Variants in NPFF observed in about 807,000 individuals in gnomAD.
NPFF encodes neuropeptide FF-amide peptide precursor, also known as pro-FMRFamide-related neuropeptide FF.
A neutral mutation model predicts 12.9 loss-of-function variants in NPFF; 14 were observed. The observed-to-expected ratio is 1.09, with a 90% CI of 0.72 to 1.70. The LOEUF is 1.70. Ranked by LOEUF, NPFF falls within the 40% of genes most tolerant of loss-of-function variation. NPFF has a pLI of 0.00. For synonymous variants in NPFF, 56 were observed against 57.3 expected, an observed-to-expected ratio of 0.98 and a Z score of 0.10; for missense variants, 140 against 135.7, an observed-to-expected ratio of 1.03 and a Z score of -0.16.
rs780470054 is a variant in NPFF, at chr12:53,506,810, C to T, written c.308G>A (p.Ser103Asn). 11 of 1,594,536 alleles carry T rather than the reference C, an allele frequency of 6.9e-6. No homozygotes were observed. Among genetic ancestry groups the T allele is most frequent in the Non-Finnish European group, 9.4e-6 (11 of 1,170,556 alleles). ...CCCAAAGCGTTGAGGGGCAGCCAGG[C>T]TCCAGAACTGGGAATTCAGCCCCTC... The part of the protein sequence containing the change: ...AGEGLNSQFW[S>N]LAAPQRFGKK The change falls in exon 3 of 3, where the codon AGC becomes AAC. Residue 103 changes from serine (S) to asparagine (N), a missense_variant. Coordinates refer to ENST00000267017, the MANE Select transcript of NPFF (RefSeq NM_003717.4).
rs1944010916 is a variant in NPFF at position 53,506,838 on chromosome 12, C to CA, written c.279dup (p.Gly94TrpfsTer?). 1 of 1,603,178 alleles carries CA rather than the reference C, an allele frequency of 6.2e-7. No homozygotes were observed. The highest frequency in any genetic ancestry group is 8.5e-7 in the Non-Finnish European group (1 of 1,174,884). Reference sequence around the variant, plus strand: ...CAGAACTGGGAATTCAGCCCCTCTCCAGCCCGGGGACTCAGCCATTCATTC... The same window carrying CA: ...CAGAACTGGGAATTCAGCCCCTCTCCAAGCCCGGGGACTCAGCCATTCATTC... On this transcript the variant is annotated frameshift_variant, in exon 3 of 3. Transcript: ENST00000267017. LOFTEE classifies it high-confidence loss of function.
Position 53,506,698 on chromosome 12 carries a change from A to G in NPFF, c.*78T>C. On this transcript the variant is annotated 3_prime_UTR_variant, in exon 3 of 3. Transcript: ENST00000267017. ...ACAGACACACATGGATTCAGAAGCC[A>G]GACAATTTTATTTGGGGGGCAAACA... 2 of 1,182,790 alleles carry G rather than the reference A, an allele frequency of 1.7e-6. No homozygotes were observed. The highest frequency in any genetic ancestry group is 2.4e-6 in the Non-Finnish European group (2 of 835,832). The allele number at this position is 1,182,790 out of a possible 1,614,324, so 73.3% of individuals were successfully genotyped here.
At chr12:53,507,170 A>AGAT (rs1345035976) in intron 1 of NPFF, 28 bp from the exon 2 acceptor site, 6 of 1,611,254 alleles carry the variant, frequency 3.7e-6, no homozygotes, top group Admixed American at 3.3e-5. Context: ...CAGGGAAGGA[A>AGAT]GATGGGCAAA....
chr12:53,507,079 G>C lies in NPFF; in HGVS notation c.166C>G (p.Leu56Val). 6.2e-7 allele frequency: 1 copy of C among 1,614,130 alleles called. No individual in the cohort carries two copies. The highest frequency in any genetic ancestry group is 8.5e-7 in the Non-Finnish European group (1 of 1,180,028). The change falls in exon 2 of 3, where the codon CTG becomes GTG. Residue 56 changes from leucine (L) to valine (V), a missense_variant. Coordinates refer to ENST00000267017, the MANE Select transcript of NPFF (RefSeq NM_003717.4). ...AQTSGSLLHYLLQAMERPGRS... is the reference protein window; with the variant it reads ...AQTSGSLLHYVLQAMERPGRS... Reference sequence around the variant, plus strand: ...CCAGGTCTCTCCATTGCCTGGAGCAGGTAGTGCAACAGTGACCCAGAGGTC... The same window carrying C: ...CCAGGTCTCTCCATTGCCTGGAGCACGTAGTGCAACAGTGACCCAGAGGTC...
In NPFF at chr12:53,506,729, A is replaced by ACTT; in HGVS notation, c.*44_*46dup. The ACTT allele has an allele frequency of 7.3e-7, 1 of 1,368,958 alleles. No individual in the cohort carries two copies. Among genetic ancestry groups the ACTT allele is most frequent in the Non-Finnish European group, 1.0e-6 (1 of 1,001,510 alleles). The allele number at this position is 1,368,958 out of a possible 1,614,324, so 84.8% of individuals were successfully genotyped here. ...TTTTATTTGGGGGGCAAACATTGACACTTTTGGGTGTGGACCTTGCATGCA... is the reference window on the plus strand; with the variant it reads ...TTTTATTTGGGGGGCAAACATTGACACTTCTTTTGGGTGTGGACCTTGCATGCA... On this transcript the variant is annotated 3_prime_UTR_variant, in exon 3 of 3. Coordinates refer to ENST00000267017, the MANE Select transcript of NPFF (RefSeq NM_003717.4).
chr12:53,506,740 T>C lies in NPFF; in HGVS notation c.*36A>G. ...GGGCAAACATTGACACTTTTGGGTGTGGACCTTGCATGCAGACATATCAAG... is the reference window on the plus strand; with the variant it reads ...GGGCAAACATTGACACTTTTGGGTGCGGACCTTGCATGCAGACATATCAAG... On this transcript the variant is annotated 3_prime_UTR_variant, in exon 3 of 3. Coordinates refer to ENST00000267017, the MANE Select transcript of NPFF (RefSeq NM_003717.4). 1.4e-6 allele frequency: 2 copies of C among 1,434,026 alleles called. No homozygotes were observed. The highest frequency in any genetic ancestry group is 1.9e-6 in the Non-Finnish European group (2 of 1,056,974). 88.8% of individuals were successfully genotyped at this position (1,434,026 alleles called of 1,614,324 possible).
intron 1 of NPFF, 54 bp downstream of exon 1, chr12:53,507,319 A>G: frequency 6.2e-7 from 1 of 1,610,300 alleles, no homozygotes; most frequent in African/African-American, 1.3e-5. Flanking sequence ...CCTAGAGCAC[A>G]AGTCTCAACC....
At chr12:53,506,982 C>T (rs762951620) in intron 2 of NPFF, 39 bp downstream of exon 2, 7 of 1,604,712 alleles carry the variant, frequency 4.4e-6, no homozygotes, top group Non-Finnish European at 5.1e-6. Context: ...CCCTTTCCAC[C>T]CCCAGCCCCT....
rs201524326 is a variant in NPFF, at chr12:53,507,392, T to C, written c.83A>G (p.Gln28Arg). Residue 28 changes from glutamine (Q) to arginine (R), a missense_variant, in exon 1 of 3, where the codon CAG (glutamine) becomes CGG (arginine). By Grantham distance (43) the Gln-to-Arg change is conservative. Transcript: ENST00000267017. ...GGCAEGPGGQ[Q>R]EDQLSAEEDS... ...ACTCACCGCGGAGAGCTGGTCTTCC[T>C]GCTGGCCTCCTGGCCCTTCAGCACA... The C allele has an allele frequency of 6.2e-7, 1 of 1,614,106 alleles. No homozygotes were observed. Among genetic ancestry groups the C allele is most frequent in the East Asian group, 2.2e-5 (1 of 44,886 alleles).
In NPFF at chr12:53,507,376, GGA is replaced by G; in HGVS notation, c.97_98del (p.Ser33ArgfsTer54). On this transcript the variant is annotated frameshift_variant, in exon 1 of 3. Coordinates refer to ENST00000267017, the MANE Select transcript of NPFF (RefSeq NM_003717.4). LOFTEE classifies it high-confidence loss of function. ...TGGGGATGGGACACACACTCACCGC[GGA>G]GAGCTGGTCTTCCTGCTGGCCTCCT... The part of the protein sequence containing the change: ...GPGGQQEDQL[S>X]AEEDSEPLPP... 6.2e-7 allele frequency: 1 copy of G among 1,614,042 alleles called. No individual in the cohort carries two copies. The highest frequency in any genetic ancestry group is 8.5e-7 in the Non-Finnish European group (1 of 1,179,964).
In NPFF at chr12:53,506,845, G is replaced by C; in HGVS notation, c.273C>G (p.Pro91=). ...GGGAATTCAGCCCCTCTCCAGCCCG[G>C]GGACTCAGCCATTCATTCCTCCAGG... ...QGSWRNEWLS[P]RAGEGLNSQF... is the part of the protein sequence containing the mutation. The change falls in exon 3 of 3, where the codon CCC becomes CCG. Residue 91 remains proline (P), a synonymous_variant. Transcript: ENST00000267017. The C allele has an allele frequency of 6.2e-7, 1 of 1,604,568 alleles. No individual in the cohort carries two copies. The highest frequency in any genetic ancestry group is 8.5e-7 in the Non-Finnish European group (1 of 1,175,422).
Position 53,506,886 on chromosome 12 carries a change from TGCCAAACCTTA to T in NPFF, c.225-4_231del. On this transcript the variant is annotated splice_acceptor_variant and splice_polypyrimidine_tract_variant and coding_sequence_variant and intron_variant, in exon 3 of 3. Coordinates refer to ENST00000267017, the MANE Select transcript of NPFF (RefSeq NM_003717.4). LOFTEE classifies it high-confidence loss of function. Reference sequence around the variant, plus strand: ...TTCCTCCAGGATCCCTGGGTATTTCTGCCAAACCTTAGGAAAGATTTGTCCTCAGGTCCCCG... The same window carrying T: ...TTCCTCCAGGATCCCTGGGTATTTCTGGAAAGATTTGTCCTCAGGTCCCCG... 1 of 1,591,982 alleles carries T rather than the reference TGCCAAACCTTA, an allele frequency of 6.3e-7. No individual in the cohort carries two copies. The highest frequency in any genetic ancestry group is 1.1e-5 in the South Asian group (1 of 87,580).
chr12:53,506,979 C>CAA (rs768372545), intron 2 of NPFF, 42 bp downstream of exon 2: 1 of 1,602,390 alleles, frequency 6.2e-7, no homozygotes, highest in Non-Finnish European at 8.5e-7. Flanking sequence ...CTGCCCTTTC[C>CAA]ACCCCCAGCC....
In NPFF at chr12:53,507,483, C is replaced by G; in HGVS notation, c.-9G>C. 1 of 1,611,374 alleles carries G rather than the reference C, an allele frequency of 6.2e-7. No individual in the cohort carries two copies. Among genetic ancestry groups the G allele is most frequent in the Non-Finnish European group, 8.5e-7 (1 of 1,179,564 alleles). On this transcript the variant is annotated 5_prime_UTR_variant, in exon 1 of 3. Transcript: ENST00000267017. ...GCCTGCCTAGAATCCATGCTGCCACCTACCCTCCTACAGCCACCCCAACCT... is the reference window on the plus strand; with the variant it reads ...GCCTGCCTAGAATCCATGCTGCCACGTACCCTCCTACAGCCACCCCAACCT...
chr12:53,506,726 G>C lies in NPFF; in HGVS notation c.*50C>G, dbSNP rs749808012. Reference sequence around the variant, plus strand: ...CAATTTTATTTGGGGGGCAAACATTGACACTTTTGGGTGTGGACCTTGCAT... The same window carrying C: ...CAATTTTATTTGGGGGGCAAACATTCACACTTTTGGGTGTGGACCTTGCAT... On this transcript the variant is annotated 3_prime_UTR_variant, in exon 3 of 3. Coordinates refer to ENST00000267017, the MANE Select transcript of NPFF (RefSeq NM_003717.4). 3 of 1,346,644 alleles carry C rather than the reference G, an allele frequency of 2.2e-6. No individual in the cohort carries two copies. Among genetic ancestry groups the C allele is most frequent in the Non-Finnish European group, 3.1e-6 (3 of 982,102 alleles). 83.4% of individuals were successfully genotyped at this position (1,346,644 alleles called of 1,614,324 possible). A position where few individuals can be genotyped will look rare whatever the true frequency, so the allele number is the denominator to read the frequency against.
In NPFF at chr12:53,506,819, T is replaced by C. The variant is rs2137277270; in HGVS notation, c.299A>G (p.Gln100Arg). The C allele has an allele frequency of 6.3e-7, 1 of 1,598,784 alleles. No individual in the cohort carries two copies. Among genetic ancestry groups the C allele is most frequent in the Non-Finnish European group, 8.5e-7 (1 of 1,172,706 alleles). ...SPRAGEGLNS[Q>R]FWSLAAPQRF... is the part of the protein sequence containing the mutation. ...TTGAGGGGCAGCCAGGCTCCAGAAC[T>C]GGGAATTCAGCCCCTCTCCAGCCCG... The change falls in exon 3 of 3, where the codon CAG becomes CGG. Residue 100 changes from glutamine to arginine, a missense_variant. By Grantham distance (43) the Gln-to-Arg change is conservative (BLOSUM62 1). Transcript: ENST00000267017.
chr12:53,507,176 G>A, intron 1 of NPFF, 34 bp from the exon 2 acceptor site: 1 of 1,609,230 alleles, frequency 6.2e-7, no homozygotes, highest in Non-Finnish European at 8.5e-7. Context: ...AGGAAGATGG[G>A]CAAATACCCT....
rs1565904178 is a variant in NPFF, at chr12:53,506,778, ACTT to A, written c.337_339del (p.Lys113del). 1.3e-6 allele frequency: 2 copies of A among 1,544,856 alleles called. No individual in the cohort carries two copies. The highest frequency in any genetic ancestry group is 1.3e-5 in the South Asian group (1 of 79,742). Reference sequence around the variant, plus strand: ...CAGACATATCAAGGGATGACATGTCACTTCTTCCCAAAGCGTTGAGGGGCAGCC... The same window carrying A: ...CAGACATATCAAGGGATGACATGTCACTTCCCAAAGCGTTGAGGGGCAGCC... On this transcript the variant is annotated inframe_deletion, in exon 3 of 3. Transcript: ENST00000267017.
intron 1 of NPFF, 86 bp downstream of exon 1, chr12:53,507,287 G>A: frequency 6.3e-7 from 1 of 1,598,322 alleles, no homozygotes; most frequent in Non-Finnish European, 8.6e-7. Context: ...GACAACCTTG[G>A]CAGCCAGAGA....
Sources: gnomAD v4.1 joint callset for allele counts on GRCh38, gnomAD v4.1.1 for gene constraint, MANE v1.5 for transcripts, NCBI Gene and HGNC (gene_info 2026-07-23, HGNC 2026-07-21) for gene names.